The following TPCN1 variants were observed in gnomAD, a reference collection of about 807,000 sequenced individuals.
The protein encoded by TPCN1 is two pore channel protein 1.
TPCN1 carries 52 observed loss-of-function variants against 108.8 expected under a neutral mutation model. The ratio of observed to expected loss-of-function variants is 0.48; its 90% CI spans 0.38 to 0.60. TPCN1 has a LOEUF of 0.60. Ranked by LOEUF, TPCN1 falls within the 20% of genes least tolerant of loss-of-function variation. The probability of loss-of-function intolerance (pLI) is 0.00; values close to 1 mark genes in which losing one functional copy is unlikely to be tolerated. For synonymous variants in TPCN1, 446 were observed against 433.7 expected (o/e 1.03, Z -0.35); for missense variants, 806 against 1,072.8 (o/e 0.75, Z 3.47).
chr12:113,284,595 G>C lies in TPCN1; in HGVS notation c.1357G>C (p.Val453Leu). 1 of 1,614,208 alleles carries C rather than the reference G, an allele frequency of 6.2e-7. No homozygotes were observed. ...GTGTATTTCAGACTTGGTGGTGGCA[G>C]TCAACGGGGTCTGGATCCTCGTGGA... ...FQYFMYLVVA[V>L]NGVWILVETF... Residue 453 changes from valine (V) to leucine (L), a missense_variant, in exon 16 of 28, where the codon GTC (valine) becomes CTC (leucine). Transcript: ENST00000335509. The surrounding 1 kb of genome is among the most constrained non-coding windows in gnomAD (Gnocchi z 4.1).
chr12:113,291,178 C>T (rs919235258), intron 23 of TPCN1, among the ~76,000 whole-genome samples, 180 bp downstream of exon 23: 1 of 152,146 alleles, frequency 6.6e-6, no homozygotes, highest in Non-Finnish European at 1.5e-5. Context: ...AGCCACCCCT[C>T]CCAGTGTTGG....
At chr12:113,261,899 T>A (rs866696368) in intron 3 of TPCN1, among the ~76,000 whole-genome samples, 23 of 151,972 alleles carry the variant, frequency 1.5e-4, no homozygotes, top group Admixed American at 5.2e-4. Context: ...AAATGGAAAT[T>A]CTAAGAAATG....
intron 14 of TPCN1, 135 bp from the exon 15 acceptor site, chr12:113,280,016 G>A (rs1184233845): frequency 3.0e-6 from 2 of 668,592 alleles, no homozygotes; most frequent in Non-Finnish European, 5.4e-6. Flanking sequence ...CTGGGGTAAA[G>A]ACCATGCTTA....
intron 18 of TPCN1, 61 bp downstream of exon 18, chr12:113,286,022 T>C (rs1409158654): frequency 1.4e-6 from 2 of 1,410,116 alleles, no homozygotes; most frequent in Non-Finnish European, 1.0e-6. Flanking sequence ...CCCAGACCCT[T>C]CTCTGCACAC....
At position 113,273,867 on chromosome 12, in the gene TPCN1, G is replaced by T. The variant is rs980793431; in HGVS notation, c.942+199G>T. Among the ~76,000 whole-genome samples, 1 of 152,146 alleles carries T rather than the reference G, an allele frequency of 6.6e-6. No individual in the cohort carries two copies. Among genetic ancestry groups the T allele is most frequent in the Non-Finnish European group, 1.5e-5 (1 of 68,032 alleles). ...ACTTCAGGAGTTCAGCCAGTTGCTG[G>T]GGGTGGCGTCCTCACCAAGGCAATG... On this transcript the variant is annotated intron_variant, in intron 10 of 27. Coordinates refer to ENST00000335509, the MANE Select transcript of TPCN1 (RefSeq NM_017901.6). The surrounding 1 kb of genome is among the most constrained non-coding windows in gnomAD (Gnocchi z 4.0).
rs982218698 is a variant in TPCN1, at chr12:113,273,977, T to G, written c.942+309T>G. 6.6e-6 allele frequency among the ~76,000 whole-genome samples: 1 copy of G among 152,168 alleles called. No homozygotes were observed. The highest frequency in any genetic ancestry group is 1.5e-5 in the Non-Finnish European group (1 of 68,032). ...TACATCAGAAATAAGCAGTTGACCC[T>G]CGGTGTCCACAGGGATTGTTTGCAG... On this transcript the variant is annotated intron_variant, in intron 10 of 27. Transcript: ENST00000335509. The surrounding 1 kb of genome is among the most constrained non-coding windows in gnomAD (Gnocchi z 4.0).
intron 10 of TPCN1, among the ~76,000 whole-genome samples, chr12:113,276,540 G>A (rs1198647068): frequency 1.3e-5 from 2 of 152,218 alleles, no homozygotes; most frequent in East Asian, 1.9e-4. Flanking sequence ...GGCTGGAGTC[G>A]GACTGGGCTC....
chr12:113,283,648 A>T (rs1955968114), intron 15 of TPCN1, among the ~76,000 whole-genome samples: 2 of 152,094 alleles, frequency 1.3e-5, no homozygotes, highest in African/African-American at 4.8e-5. Context: ...AAAAAAAAGT[A>T]ATATGTAGAA....
At chr12:113,249,046 C>T (rs902044022) in intron 2 of TPCN1, among the ~76,000 whole-genome samples, 2 of 152,108 alleles carry the variant, frequency 1.3e-5, no homozygotes, top group Non-Finnish European at 2.9e-5. Context: ...GGAGGAGCCT[C>T]CTGATTCCTG....
rs990993770 is a variant in TPCN1 at position 113,272,203 on chromosome 12, G to A, written c.749-455G>A. Among the ~76,000 whole-genome samples the A allele has an allele frequency of 2.0e-5, 3 of 152,212 alleles. No homozygotes were observed. The highest frequency in any genetic ancestry group is 6.5e-5 in the Admixed American group (1 of 15,282). On this transcript the variant is annotated intron_variant, in intron 7 of 27. Transcript: ENST00000335509. This position sits in a 1 kb window ranked among gnomAD's most constrained non-coding sequence, Gnocchi z 4.1. ...TCAGGGAGTGGTCCATTCCTGGAGG[G>A]AGGAAGTGAATGGCATTCCCACCCT...
chr12:113,261,138 C>T (rs1007812432), intron 3 of TPCN1, among the ~76,000 whole-genome samples: 3 of 152,012 alleles, frequency 2.0e-5, no homozygotes, highest in African/African-American at 4.8e-5. Flanking sequence ...GAGCCGAGAT[C>T]GCACCACTGC....
chr12:113,276,484 A>G (rs1036792507), intron 10 of TPCN1, among the ~76,000 whole-genome samples: 1 of 152,084 alleles, frequency 6.6e-6, no homozygotes, highest in Non-Finnish European at 1.5e-5. Flanking sequence ...GTCCTTCTGG[A>G]TCGGAGGTCA....
intron 1 of TPCN1, 34 bp from the exon 2 acceptor site, chr12:113,226,694 A>G: frequency 6.9e-7 from 1 of 1,444,314 alleles, no homozygotes. Flanking sequence ...TATTTTAATA[A>G]TTATCTTTTA....
At chr12:113,233,089 G>T (rs1953748920) in intron 2 of TPCN1, among the ~76,000 whole-genome samples, 1 of 152,204 alleles carries the variant, frequency 6.6e-6, no homozygotes, top group Non-Finnish European at 1.5e-5. Context: ...TGCTGGGCGA[G>T]AGCCTTGCAG....
intron 2 of TPCN1, among the ~76,000 whole-genome samples, chr12:113,239,789 G>A (rs1566143162): frequency 6.6e-6 from 1 of 152,128 alleles, no homozygotes; most frequent in East Asian, 1.9e-4. Context: ...AAGCTTCCCC[G>A]TCGCCGCCCT....
chr12:113,286,268 C>A (rs892066388), intron 18 of TPCN1, among the ~76,000 whole-genome samples: 1 of 152,184 alleles, frequency 6.6e-6, no homozygotes, highest in Non-Finnish European at 1.5e-5. Context: ...AGCCACAATG[C>A]CCACAGAAAA....
chr12:113,280,541 A>G (rs2136694574), intron 15 of TPCN1, among the ~76,000 whole-genome samples: 1 of 152,116 alleles, frequency 6.6e-6, no homozygotes, highest in East Asian at 1.9e-4. Flanking sequence ...TGGGTTTTGT[A>G]TGTTCCTCTG....
At chr12:113,291,086 C>T in intron 23 of TPCN1, 88 bp downstream of exon 23, 1 of 1,290,658 alleles carries the variant, frequency 7.7e-7, no homozygotes, top group Non-Finnish European at 1.1e-6. Context: ...TATAATTCTT[C>T]CCGTAGCTTG....
Position 113,296,636 on chromosome 12 carries a change from G to A in TPCN1, c.*560G>A, listed in dbSNP as rs1465363088. 2.6e-5 allele frequency: 4 copies of A among 152,834 alleles called. No homozygotes were observed. Among genetic ancestry groups the A allele is most frequent in the African/African-American group, 9.6e-5 (4 of 41,470 alleles). 9.5% of individuals were successfully genotyped at this position (152,834 alleles called of 1,614,324 possible). ...GACCAGTGCCCAGGATCTAATGGAAGCGGAATTGGGGCAACTGGGCCCATG... is the reference window on the plus strand; with the variant it reads ...GACCAGTGCCCAGGATCTAATGGAAACGGAATTGGGGCAACTGGGCCCATG... On this transcript the variant is annotated 3_prime_UTR_variant, in exon 28 of 28. Coordinates refer to ENST00000335509, the MANE Select transcript of TPCN1 (RefSeq NM_017901.6).
Sources: gnomAD v4.1 joint callset for allele counts (sites outside exome capture counted in the v4.1 genomes callset) on GRCh38, gnomAD v4.1.1 for gene constraint, Gnocchi (gnomAD v3.1) non-coding constraint, MANE v1.5 for transcripts, NCBI Gene and HGNC (gene_info 2026-07-23, HGNC 2026-07-21) for gene names.